Variants in SERTAD2 observed in about 807,000 individuals in gnomAD.
SERTAD2 encodes the protein SERTA domain containing 2.
Under a neutral mutation model 15.4 loss-of-function variants are expected in SERTAD2, and 2 were observed. That is an observed-to-expected ratio of 0.13 (90% CI 0.05 to 0.41). SERTAD2 has a LOEUF of 0.41. Ranked by LOEUF, SERTAD2 falls within the 10% of genes least tolerant of loss-of-function variation. The pLI is 0.99. For synonymous variants in SERTAD2, 180 were observed against 178.0 expected (o/e 1.01, Z -0.09); for missense variants, 333 against 409.7 (o/e 0.81, Z 1.62).
chr2:64,635,092 C>T lies in SERTAD2; in HGVS notation c.*835G>A, dbSNP rs2104335919. ...CTTGTGAAATTTGGGTGTGATATCACCTGGCCCTTTCTTAAAGCACTGTGT... is the reference window on the plus strand; with the variant it reads ...CTTGTGAAATTTGGGTGTGATATCATCTGGCCCTTTCTTAAAGCACTGTGT... On this transcript the variant is annotated 3_prime_UTR_variant, in exon 2 of 2. Coordinates refer to ENST00000313349, the MANE Select transcript of SERTAD2 (RefSeq NM_014755.3). The T allele has an allele frequency of 6.5e-6, 1 of 152,702 alleles. No individual in the cohort carries two copies. Among genetic ancestry groups the T allele is most frequent in the East Asian group, 1.9e-4 (1 of 5,188 alleles). 9.5% of individuals were successfully genotyped at this position (152,702 alleles called of 1,614,324 possible).
chr2:64,642,894 T>A (rs1674806097), intron 1 of SERTAD2, among the ~76,000 whole-genome samples: 1 of 151,484 alleles, frequency 6.6e-6, no homozygotes, highest in South Asian at 2.1e-4. Context: ...ATGATTGTCA[T>A]TAGCCCGGGC....
Position 64,636,354 on chromosome 2 carries a change from A to G in SERTAD2, c.518T>C (p.Leu173Ser). The G allele has an allele frequency of 1.2e-6, 2 of 1,614,226 alleles. No homozygotes were observed. Among genetic ancestry groups the G allele is most frequent in the Non-Finnish European group, 1.7e-6 (2 of 1,180,018 alleles). ...GGGACAGAGCTCCTCGATCTCGTCC[A>G]AGGCAGAGGAGAAACTGTCCTTTTC... ...LPEKDSFSSA[L>S]DEIEELCPTS... Residue 173 changes from leucine to serine, a missense_variant, in exon 2 of 2, where the codon TTG (leucine) becomes TCG (serine). Leu to Ser is a moderately radical substitution (Grantham distance 145, BLOSUM62 -2). Coordinates refer to ENST00000313349, the MANE Select transcript of SERTAD2 (RefSeq NM_014755.3).
chr2:64,651,754 C>T (rs1259840805), intron 1 of SERTAD2, among the ~76,000 whole-genome samples: 1 of 152,174 alleles, frequency 6.6e-6, no homozygotes, highest in Non-Finnish European at 1.5e-5. Context: ...CAGCTGTTAC[C>T]TAAGACGCTG....
intron 1 of SERTAD2, among the ~76,000 whole-genome samples, chr2:64,650,666 A>G (rs1674989720): frequency 6.6e-6 from 1 of 152,250 alleles, no homozygotes; most frequent in Admixed American, 6.5e-5. Context: ...ACTAAATGAA[A>G]TAGCCACACA....
intron 1 of SERTAD2, among the ~76,000 whole-genome samples, chr2:64,638,187 A>C (rs1674699878): frequency 6.6e-6 from 1 of 152,214 alleles, no homozygotes; most frequent in South Asian, 2.1e-4. Flanking sequence ...TATACAGGCA[A>C]CTGCTTTGTA....
chr2:64,640,997 C>G (rs1674764819), intron 1 of SERTAD2, among the ~76,000 whole-genome samples: 1 of 152,160 alleles, frequency 6.6e-6, no homozygotes, highest in African/African-American at 2.4e-5. Flanking sequence ...AAACAAATTC[C>G]TAGCATTCTG....
chr2:64,650,705 C>G (rs2422277), intron 1 of SERTAD2, among the ~76,000 whole-genome samples: 139,066 of 152,268 alleles, frequency 0.91, 63,586 homozygotes, highest in African/African-American at 0.94. Flanking sequence ...TGGCTTGTGG[C>G]TTTCTACCAA....
chr2:64,643,350 G>A (rs897242855), intron 1 of SERTAD2, among the ~76,000 whole-genome samples: 4 of 152,262 alleles, frequency 2.6e-5, no homozygotes, highest in African/African-American at 9.6e-5. Context: ...GAACTACAGT[G>A]TCTGCCGTGG....
At chr2:64,641,939 T>C (rs562925644) in intron 1 of SERTAD2, among the ~76,000 whole-genome samples, 1 of 152,342 alleles carries the variant, frequency 6.6e-6, no homozygotes. Flanking sequence ...TCAGCATGTC[T>C]GGGGAGGAGC....
intron 1 of SERTAD2, among the ~76,000 whole-genome samples, chr2:64,640,822 C>T (rs1024425123): frequency 1.6e-4 from 25 of 152,154 alleles, no homozygotes; most frequent in African/African-American, 5.5e-4. Context: ...AGCTCCAGGG[C>T]GGGGTTGGAG....
At chr2:64,650,438 C>T (rs1674985378) in intron 1 of SERTAD2, among the ~76,000 whole-genome samples, 1 of 151,824 alleles carries the variant, frequency 6.6e-6, no homozygotes, top group Non-Finnish European at 1.5e-5. Context: ...ATATGCCATT[C>T]ACAGATTCAT....
chr2:64,643,639 C>T (rs375079802), intron 1 of SERTAD2, among the ~76,000 whole-genome samples: 89 of 152,282 alleles, frequency 5.8e-4, no homozygotes, highest in South Asian at 2.1e-3. Flanking sequence ...AAGGCCGAGG[C>T]GGGTGGATCA....
intron 1 of SERTAD2, among the ~76,000 whole-genome samples, chr2:64,638,741 T>G (rs1674713294): frequency 6.6e-6 from 1 of 152,264 alleles, no homozygotes. Context: ...AGTAATTAAT[T>G]GTTCTTCAGG....
chr2:64,650,960 C>G (rs2104354127), intron 1 of SERTAD2, among the ~76,000 whole-genome samples: 1 of 152,334 alleles, frequency 6.6e-6, no homozygotes, highest in South Asian at 2.1e-4. Flanking sequence ...CGCTTGCTCT[C>G]TCTCTCACGC....
chr2:64,650,448 T>A (rs1346501254), intron 1 of SERTAD2, among the ~76,000 whole-genome samples: 1 of 151,838 alleles, frequency 6.6e-6, no homozygotes, highest in African/African-American at 2.4e-5. Context: ...CACAGATTCA[T>A]ACAAAGAATG....
At chr2:64,637,571 T>C (rs1356158525) in intron 1 of SERTAD2, among the ~76,000 whole-genome samples, 4 of 152,208 alleles carry the variant, frequency 2.6e-5, no homozygotes, top group Non-Finnish European at 2.9e-5. Context: ...AGTTCTTCCT[T>C]GGCTCAACTT....
At chr2:64,637,964 A>C (rs1674694120) in intron 1 of SERTAD2, among the ~76,000 whole-genome samples, 1 of 152,202 alleles carries the variant, frequency 6.6e-6, no homozygotes, top group African/African-American at 2.4e-5. Context: ...CTACTGTCTA[A>C]ACAGAACAAT....
At chr2:64,642,925 T>TA (rs1234664622) in intron 1 of SERTAD2, among the ~76,000 whole-genome samples, 4 of 67,058 alleles carry the variant, frequency 6.0e-5, no homozygotes, top group African/African-American at 1.8e-4. Context: ...CTCTCACTGA[T>TA]AGACTTTTCT....
rs569020991 is a variant in SERTAD2, at chr2:64,633,109, C to G, written c.*2818G>C. The stretch of plus-strand genomic sequence containing the variant: ...CAAACTGGGACTTGGAGATCCCACT[C>G]CAGCTCCTACTGTTCCCTGTTGGGA... On this transcript the variant is annotated 3_prime_UTR_variant, in exon 2 of 2. Transcript: ENST00000313349. 1.3e-5 allele frequency: 2 copies of G among 152,440 alleles called. No homozygotes were observed. The highest frequency in any genetic ancestry group is 2.4e-5 in the African/African-American group (1 of 41,570). The allele number at this position is 152,440 out of a possible 1,614,324, so 9.4% of individuals were successfully genotyped here.
Sources: gnomAD v4.1 joint callset for allele counts (sites outside exome capture counted in the v4.1 genomes callset) on GRCh38, gnomAD v4.1.1 for gene constraint, MANE v1.5 for transcripts, NCBI Gene and HGNC (gene_info 2026-07-23, HGNC 2026-07-21) for gene names.